The following FGF14 variants were observed in gnomAD, a reference collection of about 807,000 sequenced individuals.
FGF14 encodes fibroblast growth factor 14, also known as fibroblast growth factor homologous factor 4.
A neutral mutation model predicts 25.5 loss-of-function variants in FGF14; 5 were observed. The observed-to-expected ratio is 0.20, with a 90% confidence interval of 0.10 to 0.41. The LOEUF (loss-of-function observed/expected upper bound fraction) is 0.41. FGF14 is among the 10% of genes least tolerant of loss of function. FGF14 has a pLI of 1.00. For synonymous variants in FGF14, 138 were observed against 118.3 expected (o/e 1.17, Z -1.08); for missense variants, 222 against 320.1 (o/e 0.69, Z 2.34).
chr13:101,832,397 C>T (rs1053814494), intron 3 of FGF14, among the ~76,000 whole-genome samples: 4 of 151,990 alleles, frequency 2.6e-5, no homozygotes, highest in Non-Finnish European at 4.4e-5. Flanking sequence ...AATTGGTTAC[C>T]GCAGCCACAG....
At chr13:102,200,965 G>A (rs1423264958) in intron 1 of FGF14, among the ~76,000 whole-genome samples, 1 of 151,942 alleles carries the variant, frequency 6.6e-6, no homozygotes, top group Non-Finnish European at 1.5e-5. Flanking sequence ...AGCCAGGCGT[G>A]GTGGGGGGCG....
chr13:102,372,199 AC>A (rs1368247146), intron 1 of FGF14, among the ~76,000 whole-genome samples: 1 of 152,166 alleles, frequency 6.6e-6, no homozygotes, highest in African/African-American at 2.4e-5. Context: ...CTAGGATAAA[AC>A]CTGCCCAACA....
chr13:101,733,022 CT>C (rs987337161), intron 3 of FGF14, among the ~76,000 whole-genome samples: 1 of 152,126 alleles, frequency 6.6e-6, no homozygotes, highest in African/African-American at 2.4e-5. Context: ...ACACTAACCA[CT>C]TCTTTAAAAC....
intron 1 of FGF14, among the ~76,000 whole-genome samples, chr13:102,245,334 G>A (rs1272428802): frequency 1.3e-5 from 2 of 152,090 alleles, no homozygotes; most frequent in African/African-American, 2.4e-5. Flanking sequence ...GTTAGAAAAC[G>A]TTAGAGAACA....
Position 102,390,013 on chromosome 13 carries a change from C to T in FGF14, c.208+11458G>A, listed in dbSNP as rs372320682. ...TCCGGTTTAAAAAATAAAACAGAAG[C>T]TACCATGTTGAATTCTCCACGTCTA... On this transcript the variant is annotated intron_variant, in intron 1 of 4. Coordinates refer to the FGF14 transcript ENST00000376131. Among the ~76,000 whole-genome samples the T allele has an allele frequency of 2.4e-4, 36 of 152,278 alleles. 1 individual carries two copies. In the East Asian group the frequency reaches 6.4e-3, roughly 27 times the overall value.
chr13:101,743,088 T>C (rs2139793113), intron 3 of FGF14, among the ~76,000 whole-genome samples: 1 of 152,338 alleles, frequency 6.6e-6, no homozygotes, highest in East Asian at 1.9e-4. Context: ...ATGTGCGTCA[T>C]ACATACATTG....
At chr13:102,315,062 T>A (rs921377033) in intron 1 of FGF14, among the ~76,000 whole-genome samples, 2 of 151,518 alleles carry the variant, frequency 1.3e-5, no homozygotes, top group Non-Finnish European at 2.9e-5. Flanking sequence ...CATATATACA[T>A]AGGATATACA....
At chr13:101,936,967 G>A (rs1169009332) in intron 1 of FGF14, among the ~76,000 whole-genome samples, 1 of 152,140 alleles carries the variant, frequency 6.6e-6, no homozygotes, top group African/African-American at 2.4e-5. Context: ...GGGTAGAGAT[G>A]GGGGTGTTTG....
At chr13:101,960,399 C>T (rs1303951433) in intron 1 of FGF14, among the ~76,000 whole-genome samples, 1 of 152,230 alleles carries the variant, frequency 6.6e-6, no homozygotes, top group Non-Finnish European at 1.5e-5. Context: ...ATCTGTTCCT[C>T]TCCATGTGTC....
rs575788726 is a variant in FGF14 at position 102,061,195 on chromosome 13, C to A, written c.209-185899G>T. ...TTTCCAGTACACAAGGGCAAGAACC[C>A]AGGATACAGAAAGCCCTCTGTCCTT... On this transcript the variant is annotated intron_variant, in intron 1 of 4. Coordinates refer to the FGF14 transcript ENST00000376131. 1.4e-4 allele frequency among the ~76,000 whole-genome samples: 22 copies of A among 152,338 alleles called. No homozygotes were observed. In the South Asian group the frequency reaches 4.6e-3, roughly 32 times the overall value.
chr13:102,032,182 C>T (rs1248193459), intron 1 of FGF14, among the ~76,000 whole-genome samples: 2 of 152,124 alleles, frequency 1.3e-5, no homozygotes, highest in African/African-American at 2.4e-5. Context: ...AGCTTATATC[C>T]ACATTGGAAT....
intron 3 of FGF14, among the ~76,000 whole-genome samples, chr13:101,843,377 T>TA (rs2043287180): frequency 6.6e-6 from 1 of 151,940 alleles, no homozygotes; most frequent in Non-Finnish European, 1.5e-5. Context: ...TAGAGATGCT[T>TA]ATAGCATAAG....
chr13:101,881,152 A>G (rs1322529466), intron 1 of FGF14, among the ~76,000 whole-genome samples: 1 of 152,214 alleles, frequency 6.6e-6, no homozygotes. Context: ...GAACAGACTT[A>G]ACAGGAGTAT....
At chr13:101,890,616 A>G (rs999437907) in intron 1 of FGF14, among the ~76,000 whole-genome samples, 3 of 152,084 alleles carry the variant, frequency 2.0e-5, no homozygotes, top group Non-Finnish European at 4.4e-5. Context: ...CTCTCACACA[A>G]CCTCCATGTG....
rs1594074842 is a variant in FGF14 at position 101,735,794 on chromosome 13, A to G, written c.409-8984T>C. 2.0e-5 allele frequency among the ~76,000 whole-genome samples: 3 copies of G among 152,318 alleles called. No individual in the cohort carries two copies. In the East Asian group the frequency reaches 5.8e-4, roughly 29 times the overall value. ...GCTCTAAGATCAAACATGTTTGGTCATACATCAGCTTCTCAAAGGTACATT... is the reference window on the plus strand; with the variant it reads ...GCTCTAAGATCAAACATGTTTGGTCGTACATCAGCTTCTCAAAGGTACATT... On this transcript the variant is annotated intron_variant, in intron 3 of 4. Coordinates refer to ENST00000376143, the MANE Select transcript of FGF14 (RefSeq NM_004115.4).
intron 1 of FGF14, among the ~76,000 whole-genome samples, chr13:102,188,769 C>G (rs2048971867): frequency 6.6e-6 from 1 of 151,572 alleles, no homozygotes; most frequent in South Asian, 2.1e-4. Flanking sequence ...GTGAAACCCC[C>G]TTCTCAACCA....
intron 3 of FGF14, among the ~76,000 whole-genome samples, chr13:101,835,583 C>G (rs909547099): frequency 6.6e-6 from 1 of 151,926 alleles, no homozygotes; most frequent in Non-Finnish European, 1.5e-5. Context: ...GTAAAATAGG[C>G]ACAGCGTGGT....
intron 1 of FGF14, among the ~76,000 whole-genome samples, chr13:102,010,502 AGT>A (rs544059627): frequency 2.0e-5 from 3 of 152,152 alleles, no homozygotes; most frequent in Non-Finnish European, 4.4e-5. Context: ...AAAAAAAGAA[AGT>A]GTTTATTTTT....
In FGF14 at chr13:102,022,946, G is replaced by A. The variant is rs959199175; in HGVS notation, c.209-147650C>T. Among the ~76,000 whole-genome samples the A allele has an allele frequency of 4.0e-5, 6 of 151,334 alleles. No individual in the cohort carries two copies. In the Admixed American group the frequency reaches 4.0e-4, roughly 10 times the overall value. On this transcript the variant is annotated intron_variant, in intron 1 of 4. Coordinates refer to the FGF14 transcript ENST00000376131. ...CACCTTGTGTGAAGCCTTGTGCTGG[G>A]CTCCCTAGGACAAAGGCAAAGTTCA...
Sources: gnomAD v4.1 joint callset for allele counts (sites outside exome capture counted in the v4.1 genomes callset) on GRCh38, gnomAD v4.1.1 for gene constraint, MANE v1.5 for transcripts, NCBI Gene and HGNC (gene_info 2026-07-23, HGNC 2026-07-21) for gene names.